The following GLYATL2 variants were observed in gnomAD, a reference collection of about 807,000 sequenced individuals.
GLYATL2 encodes the protein glycine N-acyltransferase-like protein 2.
GLYATL2 carries 25 observed loss-of-function variants against 21.4 expected under a neutral mutation model. The observed-to-expected ratio is 1.17, with a 90% CI of 0.85 to 1.63. The LOEUF is 1.63. Ranked by LOEUF, GLYATL2 falls within the 40% of genes most tolerant of loss-of-function variation. GLYATL2 has a pLI of 0.00. For synonymous variants in GLYATL2, 114 were observed against 118.2 expected (o/e 0.96, Z 0.23); for missense variants, 361 against 343.3 (o/e 1.05, Z -0.41).
At chr11:58,905,977 T>G (rs535539418), upstream of GLYATL2, among the ~76,000 whole-genome samples, 3 of 152,250 alleles carry the variant, frequency 2.0e-5, no homozygotes, top group South Asian at 4.2e-4. Flanking sequence ...CCAGGCTCCC[T>G]CCCGCGCGCC....
At chr11:58,898,695 C>T (rs1180623355) in intron 1 of GLYATL2, among the ~76,000 whole-genome samples, 1 of 151,494 alleles carries the variant, frequency 6.6e-6, no homozygotes, top group Non-Finnish European at 1.5e-5. Context: ...ATTAGCCGGG[C>T]GTTGTGGGAT....
At chr11:58,894,322 T>G (rs1854597542) in intron 1 of GLYATL2, among the ~76,000 whole-genome samples, 2 of 152,222 alleles carry the variant, frequency 1.3e-5, no homozygotes, top group East Asian at 3.9e-4. Context: ...CCAAGCACTA[T>G]CATAAGAACT....
intron 1 of GLYATL2, among the ~76,000 whole-genome samples, chr11:58,880,359 G>A (rs1854311453): frequency 6.6e-6 from 1 of 152,170 alleles, no homozygotes; most frequent in South Asian, 2.1e-4. Context: ...CATTGCAAGG[G>A]GATGGAGTAG....
the GLYATL2 span, among the ~76,000 whole-genome samples, chr11:58,909,674 T>G: frequency 6.6e-6 from 1 of 152,178 alleles, no homozygotes; most frequent in Non-Finnish European, 1.5e-5. Flanking sequence ...TGATGGTATA[T>G]AAGGAGAATT....
chr11:58,891,907 T>C (rs1036774406), intron 1 of GLYATL2, among the ~76,000 whole-genome samples: 2 of 152,128 alleles, frequency 1.3e-5, no homozygotes, highest in Admixed American at 1.3e-4. Context: ...GTTGAGTGGG[T>C]AGAAAGAAAG....
intron 1 of GLYATL2, among the ~76,000 whole-genome samples, chr11:58,842,724 A>C (rs140009280): frequency 3.3e-4 from 50 of 152,276 alleles, no homozygotes; most frequent in Non-Finnish European, 5.7e-4. Context: ...AATGACAATA[A>C]ACAATGCTGT....
At chr11:58,850,674 A>G (rs1853725050) in intron 1 of GLYATL2, among the ~76,000 whole-genome samples, 2 of 151,768 alleles carry the variant, frequency 1.3e-5, no homozygotes, top group Non-Finnish European at 2.9e-5. Flanking sequence ...GCCCATTACC[A>G]AGTGGACATG....
At chr11:58,885,939 G>A (rs1854431475) in intron 1 of GLYATL2, among the ~76,000 whole-genome samples, 1 of 152,234 alleles carries the variant, frequency 6.6e-6, no homozygotes, top group Non-Finnish European at 1.5e-5. Flanking sequence ...TCAGGGCCAA[G>A]CATGGTGTCT....
In GLYATL2 at chr11:58,875,273, C is replaced by T. The variant is rs187074736; in HGVS notation, n.60+28883G>A. ...GCCAGTCTGTGCCTTTTAATTGGAG[C>T]ATTTAGCCCATTTACATTTAAGGTT... On this transcript the variant is annotated intron_variant and non_coding_transcript_variant, in intron 1 of 4. Transcript: ENST00000533636. 1.0e-3 allele frequency among the ~76,000 whole-genome samples: 159 copies of T among 152,278 alleles called. 3 individuals carry two copies. The East Asian group carries it at 0.028, about 27-fold the overall frequency.
At chr11:58,853,998 C>T (rs1853785719) in intron 1 of GLYATL2, among the ~76,000 whole-genome samples, 1 of 152,162 alleles carries the variant, frequency 6.6e-6, no homozygotes, top group African/African-American at 2.4e-5. Flanking sequence ...CCATTATACT[C>T]TCTGCTTCTA....
chr11:58,862,060 C>CAAAA (rs76901271), intron 1 of GLYATL2, among the ~76,000 whole-genome samples: 1 of 21,826 alleles, frequency 4.6e-5, no homozygotes, highest in African/African-American at 7.5e-5. Flanking sequence ...AACAAACAAA[C>CAAAA]AAAAAAAAAC....
intron 2 of GLYATL2, among the ~76,000 whole-genome samples, chr11:58,839,306 A>T (rs566261012): frequency 1.3e-5 from 2 of 152,190 alleles, no homozygotes; most frequent in African/African-American, 4.8e-5. Context: ...CCTGGAAGAG[A>T]TGACAAAGTA....
upstream of GLYATL2, among the ~76,000 whole-genome samples, chr11:58,846,894 C>T (rs1853654273): frequency 6.6e-6 from 1 of 152,020 alleles, no homozygotes. Context: ...TCTTCCCTAA[C>T]CCCAGGCTGC....
intron 1 of GLYATL2, among the ~76,000 whole-genome samples, chr11:58,841,315 C>A (rs572886252): frequency 6.6e-6 from 1 of 152,284 alleles, no homozygotes; most frequent in East Asian, 1.9e-4. Context: ...CAAAACTCCA[C>A]CCCTGGCTCC....
At chr11:58,834,956 G>C (rs1249331525) in intron 5 of GLYATL2, 119 bp from the exon 6 acceptor site, 1 of 664,864 alleles carries the variant, frequency 1.5e-6, no homozygotes, top group Non-Finnish European at 2.5e-6. Flanking sequence ...GGAGGCAATA[G>C]ATGCATAACA....
rs940307150 is a variant in GLYATL2 at position 58,892,801 on chromosome 11, T to C, written n.60+11355A>G. 2.8e-5 allele frequency: 9 copies of C among 325,228 alleles called. No individual in the cohort carries two copies. The Admixed American group carries it at 3.3e-4, about 12-fold the overall frequency. 20.1% of individuals were successfully genotyped at this position (325,228 alleles called of 1,614,324 possible). A position where few individuals can be genotyped will look rare whatever the true frequency, so the allele number is the denominator to read the frequency against. ...CCTGCAATAAAAGCAAGCTTGGAAG[T>C]AGGGATGAGATAGGCCACCCAGATG... On this transcript the variant is annotated intron_variant and non_coding_transcript_variant, in intron 1 of 4. Coordinates refer to the GLYATL2 transcript ENST00000533636.
At position 58,876,973 on chromosome 11, in the gene GLYATL2, C is replaced by A. The variant is rs566562103; in HGVS notation, n.60+27183G>T. Among the ~76,000 whole-genome samples, 243 of 152,370 alleles carry A rather than the reference C, an allele frequency of 1.6e-3. 1 individual carries two copies. The highest frequency in any genetic ancestry group is 5.6e-3 in the African/African-American group (233 of 41,588). On this transcript the variant is annotated intron_variant and non_coding_transcript_variant, in intron 1 of 4. Coordinates refer to the GLYATL2 transcript ENST00000533636. ...TTCCAGGCCACTTTGTTTACCTACT[C>A]AAGTCTGAGCAATGGCAGGCGCCCC...
chr11:58,858,539 T>G (rs981370171), intron 1 of GLYATL2, among the ~76,000 whole-genome samples: 1 of 152,142 alleles, frequency 6.6e-6, no homozygotes, highest in African/African-American at 2.4e-5. Flanking sequence ...GAGCTGATGG[T>G]TCTTAAGATG....
At chr11:58,878,106 CT>C (rs1416285572) in intron 1 of GLYATL2, among the ~76,000 whole-genome samples, 1 of 152,176 alleles carries the variant, frequency 6.6e-6, no homozygotes, top group East Asian at 1.9e-4. Flanking sequence ...CATCACTTTA[CT>C]TTTTTTGCCT....
Sources: gnomAD v4.1 joint callset for allele counts (sites outside exome capture counted in the v4.1 genomes callset) on GRCh38, gnomAD v4.1.1 for gene constraint, MANE v1.5 for transcripts, NCBI Gene and HGNC (gene_info 2026-07-23, HGNC 2026-07-21) for gene names.